Variants in RASGRF2 observed in about 807,000 individuals in gnomAD.
RASGRF2 encodes the protein Ras protein specific guanine nucleotide releasing factor 2, also known as ras-specific guanine nucleotide-releasing factor 2.
RASGRF2 carries 76 observed loss-of-function variants against 151.0 expected under a neutral mutation model. The ratio of observed to expected loss-of-function variants is 0.50; its 90% CI spans 0.42 to 0.61. The LOEUF is 0.61. Ranked by LOEUF, RASGRF2 falls within the 20% of genes least tolerant of loss-of-function variation. The pLI, the probability that RASGRF2 is intolerant of heterozygous loss-of-function variation, is 0.00. For missense variants in RASGRF2, 1,148 were observed against 1,564.6 expected, an observed-to-expected ratio of 0.73 and a Z score of 4.49; for synonymous variants, 504 against 566.5, an observed-to-expected ratio of 0.89 and a Z score of 1.57.
rs147856194 is a variant in RASGRF2 at position 80,993,661 on chromosome 5, A to G, written c.288+32635A>G. ...TGCAGTGCCCAGGGCTGGCTAGAGC[A>G]GGGAACCATTCTCACCTGTAGGCCT... On this transcript the variant is annotated intron_variant, in intron 1 of 26. Transcript: ENST00000265080. 4.9e-4 allele frequency among the ~76,000 whole-genome samples: 74 copies of G among 152,350 alleles called. 1 individual carries two copies. The East Asian group carries it at 0.013, about 27-fold the overall frequency.
chr5:81,152,910 G>A (rs1042250635), intron 17 of RASGRF2, among the ~76,000 whole-genome samples: 15 of 152,144 alleles, frequency 9.9e-5, no homozygotes, highest in African/African-American at 3.6e-4. Flanking sequence ...TTGATTTGGA[G>A]CACAGTAGAA....
chr5:81,191,977 A>G (rs1306485279), intron 18 of RASGRF2, among the ~76,000 whole-genome samples: 2 of 152,042 alleles, frequency 1.3e-5, no homozygotes, highest in African/African-American at 4.8e-5. Flanking sequence ...TATCTTCCAC[A>G]TTTTCGCTGT....
In RASGRF2 at chr5:81,094,745, G is replaced by A. The variant is rs1358829072; in HGVS notation, c.1619-111G>A. The A allele has an allele frequency of 7.6e-6, 9 of 1,187,348 alleles. No individual in the cohort carries two copies. In the African/African-American group the frequency reaches 1.4e-4, roughly 18 times the overall value. 73.6% of individuals were successfully genotyped at this position (1,187,348 alleles called of 1,614,324 possible). On this transcript the variant is annotated intron_variant, in intron 11 of 26. Transcript: ENST00000265080. Reference sequence around the variant, plus strand: ...GAGAAGTACGATATTGCTGAAATGAGAGTCCCGATTTGAGTGCAAATGGAT... The same window carrying A: ...GAGAAGTACGATATTGCTGAAATGAAAGTCCCGATTTGAGTGCAAATGGAT...
intron 17 of RASGRF2, among the ~76,000 whole-genome samples, chr5:81,156,036 G>A (rs181952884): frequency 6.6e-6 from 1 of 152,000 alleles, no homozygotes; most frequent in East Asian, 1.9e-4. Context: ...CCCCTGTCAG[G>A]ACAAAGAAAG....
intron 26 of RASGRF2, chr5:81,223,311 C>G (rs947786457): frequency 6.6e-6 from 1 of 152,180 alleles, no homozygotes; most frequent in Non-Finnish European, 1.5e-5. Flanking sequence ...AGAGTGTTCC[C>G]TACCAGTTAT....
At chr5:81,091,653 C>A (rs1328714192) in intron 9 of RASGRF2, among the ~76,000 whole-genome samples, 1 of 151,866 alleles carries the variant, frequency 6.6e-6, no homozygotes, top group East Asian at 1.9e-4. Context: ...TTGTGACTCA[C>A]AATCATAGTT....
In RASGRF2 at chr5:81,208,409, A is replaced by C; in HGVS notation, c.3127A>C (p.Ile1043Leu). 1 of 1,614,062 alleles carries C rather than the reference A, an allele frequency of 6.2e-7. No homozygotes were observed. The highest frequency in any genetic ancestry group is 8.5e-7 in the Non-Finnish European group (1 of 1,179,966). The stretch of plus-strand genomic sequence containing the variant: ...GGATAAAAACGAAAGAACTCCTTAC[A>C]TTATGAAAACCAGCCAACACTTCAA... ...KLDKNERTPY[I>L]MKTSQHFNDM... The change falls in exon 22 of 27, where the codon ATT (isoleucine) becomes CTT (leucine). Residue 1043 changes from isoleucine to leucine, a missense_variant. By Grantham distance (5) the Ile-to-Leu change is conservative. Around this residue, in one of 5 missense-constraint regions of RASGRF2, gnomAD observed 646 missense variants for 807.4 expected, o/e 0.80. Coordinates refer to ENST00000265080, the MANE Select transcript of RASGRF2 (RefSeq NM_006909.3).
At chr5:81,060,271 CTT>C (rs1398862742) in intron 2 of RASGRF2, among the ~76,000 whole-genome samples, 1 of 152,194 alleles carries the variant, frequency 6.6e-6, no homozygotes, top group Non-Finnish European at 1.5e-5. Context: ...AAACTCACCA[CTT>C]TGTCATTCCC....
At chr5:81,138,728 C>A (rs545945011) in intron 17 of RASGRF2, among the ~76,000 whole-genome samples, 1 of 152,032 alleles carries the variant, frequency 6.6e-6, no homozygotes, top group Non-Finnish European at 1.5e-5. Flanking sequence ...GCGACTTCAG[C>A]TCCAGGTAGG....
intron 15 of RASGRF2, among the ~76,000 whole-genome samples, chr5:81,119,632 T>C (rs10069048): frequency 0.035 from 5,351 of 152,248 alleles, 341 homozygotes; most frequent in African/African-American, 0.12. Flanking sequence ...AGTACAGATA[T>C]TGGACAGAGT....
intron 1 of RASGRF2, among the ~76,000 whole-genome samples, chr5:81,008,139 CTTTTTTTTTTTTTTTTT>C (rs58105434): frequency 0.12 from 9,918 of 86,232 alleles, 741 homozygotes; most frequent in African/African-American, 0.28. Context: ...TCTTTCTTTC[CTTTTTTTTTTTTTTTTT>C]TTTTTTTTTT....
chr5:81,188,337 A>T (rs1429479534), intron 18 of RASGRF2, among the ~76,000 whole-genome samples: 2 of 152,186 alleles, frequency 1.3e-5, no homozygotes, highest in African/African-American at 4.8e-5. Context: ...CTTCCTGAAG[A>T]AGTTCAAGAC....
chr5:81,108,643 C>T (rs17291260), intron 12 of RASGRF2, among the ~76,000 whole-genome samples: 1,801 of 152,328 alleles, frequency 0.012, 17 homozygotes, highest in Middle Eastern at 0.024. Context: ...AGGTCCCAAT[C>T]ACCTCTCAAA....
intron 12 of RASGRF2, among the ~76,000 whole-genome samples, chr5:81,100,575 C>G (rs980720963): frequency 2.6e-5 from 4 of 152,164 alleles, no homozygotes; most frequent in Non-Finnish European, 5.9e-5. Context: ...CGATTTGAGG[C>G]TGAAGATTTG....
intron 1 of RASGRF2, among the ~76,000 whole-genome samples, chr5:81,035,282 A>G (rs1466598266): frequency 6.6e-6 from 1 of 152,228 alleles, no homozygotes; most frequent in Non-Finnish European, 1.5e-5. Flanking sequence ...CTATGCAGCC[A>G]TAAAAAAGGA....
intron 1 of RASGRF2, among the ~76,000 whole-genome samples, chr5:80,975,334 A>G (rs1172261441): frequency 1.3e-5 from 2 of 149,538 alleles, no homozygotes; most frequent in Admixed American, 6.7e-5. Context: ...TCTTTTTGGC[A>G]TTGTGTCCAG....
chr5:80,975,198 T>G (rs1172847083), intron 1 of RASGRF2, among the ~76,000 whole-genome samples: 2 of 152,028 alleles, frequency 1.3e-5, no homozygotes, highest in African/African-American at 2.4e-5. Flanking sequence ...AAACGCCTCT[T>G]TATCGAAAAG....
intron 17 of RASGRF2, among the ~76,000 whole-genome samples, chr5:81,130,083 T>A (rs1753577279): frequency 6.6e-6 from 1 of 152,194 alleles, no homozygotes; most frequent in Non-Finnish European, 1.5e-5. Flanking sequence ...TGCTTTTCTG[T>A]TGCCTTTTTT....
chr5:81,058,035 G>T lies in RASGRF2; in HGVS notation c.396-9997G>T, dbSNP rs79946415. Among the ~76,000 whole-genome samples, 993 of 151,776 alleles carry T rather than the reference G, an allele frequency of 6.5e-3. 32 individuals are homozygous for T. The East Asian group carries it at 0.1, about 15-fold the overall frequency. ...AATTAATTAATTAATTAATAACCCTGTTTTCCAGCTATCTTGAAATATATA... is the reference window on the plus strand; with the variant it reads ...AATTAATTAATTAATTAATAACCCTTTTTTCCAGCTATCTTGAAATATATA... On this transcript the variant is annotated intron_variant, in intron 2 of 26. Transcript: ENST00000265080.
Sources: allele counts gnomAD v4.1 joint callset (sites outside exome capture counted in the v4.1 genomes callset), GRCh38; gene constraint gnomAD v4.1.1; regional missense constraint gnomAD v4.1.1; transcripts MANE v1.5; gene names NCBI Gene and HGNC (gene_info 2026-07-23, HGNC 2026-07-21).